PCDHGA11: variants seen among roughly 807,000 people sequenced by gnomAD.
PCDHGA11 encodes the protein protocadherin gamma-A11.
In PCDHGA11, 39 loss-of-function variants were observed where a neutral mutation model predicts 60.4. That is an observed-to-expected ratio of 0.65 (90% CI 0.50 to 0.84). The LOEUF is 0.84. PCDHGA11 is among the 40% of genes least tolerant of loss of function. PCDHGA11 has a pLI of 0.00. For missense variants in PCDHGA11, 1,165 were observed against 1,197.7 expected (o/e 0.97, Z 0.40); for synonymous variants, 533 against 510.3 (o/e 1.04, Z -0.60).
At chr5:141,447,280 C>T (rs2098533193) in intron 1 of PCDHGA11, among the ~76,000 whole-genome samples, 1 of 152,172 alleles carries the variant, frequency 6.6e-6, no homozygotes, top group Non-Finnish European at 1.5e-5. Context: ...GCTGGGACTA[C>T]AGGCACATGC....
chr5:141,503,136 A>G (rs1352550702), intron 2 of PCDHGA11, among the ~76,000 whole-genome samples: 5 of 151,846 alleles, frequency 3.3e-5, no homozygotes, highest in Admixed American at 2.0e-4. Context: ...GTAGCCCCTG[A>G]CACAGCCCAT....
intron 1 of PCDHGA11, chr5:141,478,305 C>A (rs775282798): frequency 1.2e-6 from 2 of 1,613,974 alleles, no homozygotes; most frequent in Non-Finnish European, 8.5e-7. Flanking sequence ...TACCGAGCCC[C>A]GGTGAGCTCA....
At chr5:141,498,881 T>C (rs9686648) in intron 2 of PCDHGA11, among the ~76,000 whole-genome samples, 77,838 of 149,554 alleles carry the variant, frequency 0.52, 20,828 homozygotes, top group African/African-American at 0.65. Flanking sequence ...TGCAGTGAGC[T>C]GAGATCACAC....
At position 141,477,596 on chromosome 5, in the gene PCDHGA11, T is replaced by G. The variant is rs1364779381; in HGVS notation, c.2434-17211T>G. ...CGCCCCGCAGAATGCTCGGCTTTCTTTCTTTCTCTTGGAGCAAGGAGCTGA... is the reference window on the plus strand; with the variant it reads ...CGCCCCGCAGAATGCTCGGCTTTCTGTCTTTCTCTTGGAGCAAGGAGCTGA... On this transcript the variant is annotated intron_variant, in intron 1 of 3. Transcript: ENST00000398587. This position sits in a 1 kb window ranked among gnomAD's most constrained non-coding sequence, Gnocchi z 4.9. The G allele has an allele frequency of 6.2e-7, 1 of 1,614,184 alleles. No individual in the cohort carries two copies. The highest frequency in any genetic ancestry group is 1.1e-5 in the South Asian group (1 of 91,086).
At chr5:141,502,768 T>C (rs1389860952) in intron 2 of PCDHGA11, among the ~76,000 whole-genome samples, 1 of 152,154 alleles carries the variant, frequency 6.6e-6, no homozygotes, top group East Asian at 1.9e-4. Context: ...GCTGGTATTC[T>C]TCTGAAAATT....
In PCDHGA11 at chr5:141,485,910, G is replaced by C. The variant is rs142273728; in HGVS notation, c.2434-8897G>C. On this transcript the variant is annotated intron_variant, in intron 1 of 3. Transcript: ENST00000398587. The surrounding 1 kb of genome is among the most constrained non-coding windows in gnomAD (Gnocchi z 5.7). ...AACGCCCCAGCCTTCCAGCAATCCAGCTACAGGATTAGTGTGTTGGAGAGC... is the reference window on the plus strand; with the variant it reads ...AACGCCCCAGCCTTCCAGCAATCCACCTACAGGATTAGTGTGTTGGAGAGC... The C allele has an allele frequency of 1.2e-6, 2 of 1,614,078 alleles. No homozygotes were observed. Among genetic ancestry groups the C allele is most frequent in the African/African-American group, 2.7e-5 (2 of 74,932 alleles).
At position 141,450,007 on chromosome 5, in the gene PCDHGA11, T is replaced by TA. The variant is rs57702245; in HGVS notation, c.2433+26347_2433+26348insA. Among the ~76,000 whole-genome samples the TA allele has an allele frequency of 5.9e-4, 19 of 31,956 alleles. No homozygotes were observed. In the African/African-American group the frequency reaches 7.8e-3, roughly 13 times the overall value. 21.0% of individuals were successfully genotyped at this position (31,956 alleles called of 152,430 possible). A position where few individuals can be genotyped will look rare whatever the true frequency, so the allele number is the denominator to read the frequency against. On this transcript the variant is annotated intron_variant, in intron 1 of 3. Coordinates refer to ENST00000398587, the MANE Select transcript of PCDHGA11 (RefSeq NM_018914.3). Reference sequence around the variant, plus strand: ...ACATTGCATTTAGTTGCCATGTCTCTTTTTTTTTTTTTTTTTTGAGACAGG... The same window carrying TA: ...ACATTGCATTTAGTTGCCATGTCTCTATTTTTTTTTTTTTTTTTGAGACAGG...
At chr5:141,478,231 T>C (rs1423148) in intron 1 of PCDHGA11, 739,438 of 1,613,786 alleles carry the variant, frequency 0.46, 177,434 homozygotes, top group African/African-American at 0.83. Flanking sequence ...CTGTGGGGTT[T>C]GTGGTCACAG....
At chr5:141,433,237 A>G in intron 1 of PCDHGA11, 1 of 1,495,940 alleles carries the variant, frequency 6.7e-7, no homozygotes, top group South Asian at 1.3e-5. Flanking sequence ...TCTGTCTCCC[A>G]AGCTGGAATG....
chr5:141,444,280 T>C (rs1217749098), intron 1 of PCDHGA11, among the ~76,000 whole-genome samples: 1 of 147,614 alleles, frequency 6.8e-6, no homozygotes, highest in East Asian at 2.1e-4. Context: ...CAAGTGATTC[T>C]CCTGCCTCAG....
chr5:141,490,157 G>A lies in PCDHGA11; in HGVS notation c.2434-4650G>A. 6.2e-7 allele frequency: 1 copy of A among 1,614,210 alleles called. No homozygotes were observed. On this transcript the variant is annotated intron_variant, in intron 1 of 3. Transcript: ENST00000398587. The surrounding 1 kb of genome is among the most constrained non-coding windows in gnomAD (Gnocchi z 5.4). ...AGCAGTGGGGCAATCCATGTGTTGG[G>A]TCCCATAGACTTTGAGGAGTCACGT...
chr5:141,459,617 A>G (rs900986636), intron 1 of PCDHGA11, among the ~76,000 whole-genome samples: 2 of 152,258 alleles, frequency 1.3e-5, no homozygotes, highest in African/African-American at 2.4e-5. Flanking sequence ...GCTTAACTTT[A>G]TAAGAAGCTG....
At chr5:141,492,312 C>G (rs1470136040) in intron 1 of PCDHGA11, among the ~76,000 whole-genome samples, 3 of 152,230 alleles carry the variant, frequency 2.0e-5, no homozygotes, top group Non-Finnish European at 4.4e-5. Context: ...CGCACGCACT[C>G]CTCGCACGTG....
chr5:141,465,030 C>T (rs922114985), intron 1 of PCDHGA11, among the ~76,000 whole-genome samples: 2 of 152,086 alleles, frequency 1.3e-5, no homozygotes, highest in Non-Finnish European at 1.5e-5. Context: ...CCATGAACCA[C>T]CACAAATGAC....
chr5:141,474,981 G>A (rs1336399018), intron 1 of PCDHGA11, among the ~76,000 whole-genome samples: 1 of 152,126 alleles, frequency 6.6e-6, no homozygotes, highest in African/African-American at 2.4e-5. Context: ...ATTTTGTTTG[G>A]TGACAACAAT....
intron 1 of PCDHGA11, among the ~76,000 whole-genome samples, chr5:141,451,542 G>A (rs1023356681): frequency 3.3e-5 from 5 of 152,148 alleles, no homozygotes; most frequent in Non-Finnish European, 7.3e-5. Context: ...GCCAGAGAGG[G>A]CAAATGTGAT....
intron 1 of PCDHGA11, among the ~76,000 whole-genome samples, chr5:141,436,701 A>C (rs571525375): frequency 6.9e-4 from 105 of 152,332 alleles, no homozygotes; most frequent in Non-Finnish European, 9.4e-4. Context: ...ATGCCAGCAC[A>C]CTCGATGTTC....
In PCDHGA11 at chr5:141,477,510, A is replaced by G; in HGVS notation, c.2434-17297A>G. On this transcript the variant is annotated intron_variant, in intron 1 of 3. Transcript: ENST00000398587. This position sits in a 1 kb window ranked among gnomAD's most constrained non-coding sequence, Gnocchi z 4.9. ...TCTTCTCAATCTTCCTACGACGTTT[A>G]CATTGAAGAAAACAACCTCCCCGGG... is the stretch of plus-strand genomic sequence containing the variant. 3 of 1,614,172 alleles carry G rather than the reference A, an allele frequency of 1.9e-6. No homozygotes were observed. Among genetic ancestry groups the G allele is most frequent in the Non-Finnish European group, 2.5e-6 (3 of 1,180,018 alleles).
chr5:141,508,731 A>C (rs1596169554), intron 3 of PCDHGA11, among the ~76,000 whole-genome samples: 6 of 145,538 alleles, frequency 4.1e-5, no homozygotes, highest in African/African-American at 5.1e-5. Context: ...GGGAGACTAC[A>C]CCCCCCACCC....
Sources: gnomAD v4.1 joint callset for allele counts (sites outside exome capture counted in the v4.1 genomes callset) on GRCh38, gnomAD v4.1.1 for gene constraint, Gnocchi (gnomAD v3.1) non-coding constraint, MANE v1.5 for transcripts, NCBI Gene and HGNC (gene_info 2026-07-23, HGNC 2026-07-21) for gene names.